The following MAST4 variants were observed in gnomAD, a reference collection of about 807,000 sequenced individuals.
MAST4 encodes microtubule associated serine/threonine kinase family member 4.
Under a neutral mutation model 162.7 loss-of-function variants are expected in MAST4, and 89 were observed. The ratio of observed to expected loss-of-function variants is 0.55; its 90% CI spans 0.46 to 0.65. MAST4 has a LOEUF of 0.65. Among genes scored for constraint, MAST4 ranks in the 30% least tolerant of loss-of-function variants. MAST4 has a pLI of 0.00. For missense variants in MAST4, 3,153 were observed against 3,374.0 expected, an observed-to-expected ratio of 0.93 and a Z score of 1.62; for synonymous variants, 1,479 against 1,361.1, an observed-to-expected ratio of 1.09 and a Z score of -1.91.
chr5:67,163,143 A>C lies in MAST4; in HGVS notation c.3968-4A>C, dbSNP rs137936992. 2.5e-6 allele frequency: 4 copies of C among 1,595,888 alleles called. No homozygotes were observed. The East Asian group carries it at 9.0e-5, about 36-fold the overall frequency. Reference sequence around the variant, plus strand: ...GCTCACAGCCTTCTGTTTTCCATCCACAGGTACTAATTCCTCCCAGAGCAG... The same window carrying C: ...GCTCACAGCCTTCTGTTTTCCATCCCCAGGTACTAATTCCTCCCAGAGCAG... On this transcript the variant is annotated splice_region_variant and splice_polypyrimidine_tract_variant and intron_variant, in intron 28 of 28. Coordinates refer to ENST00000403625, the MANE Select transcript of MAST4 (RefSeq NM_001164664.2). This position sits in a 1 kb window ranked among gnomAD's most constrained non-coding sequence, Gnocchi z 7.0.
intron 4 of MAST4, among the ~76,000 whole-genome samples, chr5:66,939,505 A>C (rs558305660): frequency 2.2e-4 from 33 of 152,134 alleles, no homozygotes; most frequent in African/African-American, 7.5e-4. Flanking sequence ...TTACCTTTTC[A>C]TTGTATTTTG....
chr5:66,908,425 T>C (rs1212408905), intron 4 of MAST4, among the ~76,000 whole-genome samples: 1 of 152,044 alleles, frequency 6.6e-6, no homozygotes, highest in Non-Finnish European at 1.5e-5. Flanking sequence ...GAATCTAGTG[T>C]GTATTGAGGG....
chr5:66,920,647 T>C (rs1561446842), intron 4 of MAST4, among the ~76,000 whole-genome samples: 1 of 152,106 alleles, frequency 6.6e-6, no homozygotes, highest in Non-Finnish European at 1.5e-5. Context: ...TGCGCCACCA[T>C]GCCTGACTAA....
At position 67,166,173 on chromosome 5, in the gene MAST4, A is replaced by C. The variant is rs758667468; in HGVS notation, c.6994A>C (p.Lys2332Gln). 1.3e-6 allele frequency: 2 copies of C among 1,557,078 alleles called. No homozygotes were observed. The highest frequency in any genetic ancestry group is 2.4e-5 in the East Asian group (1 of 41,266). ...TGGTGAAAAGCAAACCCTGTCTCCAAAGCACCCCAAACCATCCACTGTGAA... is the reference window on the plus strand; with the variant it reads ...TGGTGAAAAGCAAACCCTGTCTCCACAGCACCCCAAACCATCCACTGTGAA... ...AVGEKQTLSP[K>Q]HPKPSTVKDC... The change falls in exon 29 of 29, where the codon AAG (lysine) becomes CAG (glutamine). Residue 2332 changes from lysine (K) to glutamine (Q), a missense_variant. Lys to Gln is a moderately conservative substitution (Grantham distance 53). Transcript: ENST00000403625.
At chr5:66,922,559 T>TA (rs539760244) in intron 4 of MAST4, among the ~76,000 whole-genome samples, 129 of 152,272 alleles carry the variant, frequency 8.5e-4, no homozygotes, top group African/African-American at 3.0e-3. Flanking sequence ...TCATTTCTGC[T>TA]AAAAATGACA....
intron 1 of MAST4, among the ~76,000 whole-genome samples, chr5:66,687,585 T>G (rs1748757259): frequency 6.6e-6 from 1 of 151,672 alleles, no homozygotes; most frequent in Non-Finnish European, 1.5e-5. Context: ...TATATGTGTA[T>G]ATATATACAT....
intron 14 of MAST4, among the ~76,000 whole-genome samples, chr5:67,129,921 G>A (rs1481259812): frequency 6.6e-6 from 1 of 152,046 alleles, no homozygotes; most frequent in Non-Finnish European, 1.5e-5. Flanking sequence ...CTAGCTATTA[G>A]GAAATAGGTC....
At chr5:66,958,117 C>T (rs1405036699) in intron 4 of MAST4, among the ~76,000 whole-genome samples, 2 of 151,430 alleles carry the variant, frequency 1.3e-5, no homozygotes, top group Non-Finnish European at 3.0e-5. Flanking sequence ...CTCTCTCTCT[C>T]TCTTTGTGTG....
chr5:66,599,385 A>C (rs1742411076), intron 1 of MAST4, among the ~76,000 whole-genome samples: 2 of 152,150 alleles, frequency 1.3e-5, no homozygotes, highest in Non-Finnish European at 2.9e-5. Context: ...TAGTGGAAAG[A>C]CGTGGGTTTG....
intron 3 of MAST4, among the ~76,000 whole-genome samples, chr5:66,853,672 G>T (rs987421833): frequency 2.0e-5 from 3 of 152,134 alleles, no homozygotes; most frequent in Non-Finnish European, 2.9e-5. Context: ...CAGAATGTTT[G>T]GACATAAAGT....
chr5:67,168,284 A>T lies in MAST4; in HGVS notation c.*1233A>T, dbSNP rs1396274562. On this transcript the variant is annotated 3_prime_UTR_variant, in exon 29 of 29. Coordinates refer to ENST00000403625, the MANE Select transcript of MAST4 (RefSeq NM_001164664.2). Reference sequence around the variant, plus strand: ...TGGGTTTCACATTCATTTCTGCTGCATCTAGTAGCTCCACACATTTCATAA... The same window carrying T: ...TGGGTTTCACATTCATTTCTGCTGCTTCTAGTAGCTCCACACATTTCATAA... 6.6e-6 allele frequency: 1 copy of T among 151,724 alleles called. No homozygotes were observed. The highest frequency in any genetic ancestry group is 1.9e-4 in the East Asian group (1 of 5,186). The allele number at this position is 151,724 out of a possible 1,614,324, so 9.4% of individuals were successfully genotyped here.
chr5:67,072,614 A>C (rs1269648047), intron 5 of MAST4, among the ~76,000 whole-genome samples: 2 of 152,240 alleles, frequency 1.3e-5, no homozygotes, highest in South Asian at 2.1e-4. Context: ...AAGAATCTAG[A>C]AAATCCAAGA....
At chr5:66,902,355 T>C (rs979324674) in intron 4 of MAST4, among the ~76,000 whole-genome samples, 5 of 152,222 alleles carry the variant, frequency 3.3e-5, no homozygotes, top group Admixed American at 6.5e-5. Context: ...AATTGCATTT[T>C]CAGCATTCTG....
At chr5:67,122,282 T>C (rs1176292672) in intron 14 of MAST4, among the ~76,000 whole-genome samples, 1 of 152,224 alleles carries the variant, frequency 6.6e-6, no homozygotes, top group Non-Finnish European at 1.5e-5. Flanking sequence ...GTTTTTGTTG[T>C]GCCACAAGGG....
intron 1 of MAST4, among the ~76,000 whole-genome samples, chr5:66,620,385 A>C (rs182603822): frequency 2.6e-5 from 4 of 152,310 alleles, no homozygotes; most frequent in African/African-American, 9.6e-5. Context: ...AAATTTTTCA[A>C]CAAAGTTATG....
chr5:67,145,034 C>G (rs760716362), intron 22 of MAST4, 110 bp from the exon 23 acceptor site: 36 of 991,880 alleles, frequency 3.6e-5, no homozygotes, highest in Non-Finnish European at 5.4e-5. Context: ...CACTAGACAT[C>G]TCTTGGTTAG....
chr5:66,926,295 C>T (rs1221959518), intron 4 of MAST4, among the ~76,000 whole-genome samples: 5 of 152,094 alleles, frequency 3.3e-5, no homozygotes, highest in Admixed American at 6.6e-5. Context: ...TGCCTGTAAT[C>T]CCAGCACTTT....
At position 66,654,962 on chromosome 5, in the gene MAST4, T is replaced by G. The variant is rs118139595; in HGVS notation, c.363+57944T>G. Among the ~76,000 whole-genome samples the G allele has an allele frequency of 4.7e-4, 71 of 152,294 alleles. No individual in the cohort carries two copies. In the East Asian group the frequency reaches 0.013, roughly 28 times the overall value. ...AGGTTTTAATGAAAATCTAGGGACC[T>G]AGGTTCAATTATATTTGTTTCAATA... On this transcript the variant is annotated intron_variant, in intron 1 of 28. Coordinates refer to ENST00000403625, the MANE Select transcript of MAST4 (RefSeq NM_001164664.2).
rs554269747 is a variant in MAST4, at chr5:66,709,073, T to C, written c.364-50636T>C. Among the ~76,000 whole-genome samples, 406 of 152,250 alleles carry C rather than the reference T, an allele frequency of 2.7e-3. 4 individuals are homozygous for C. The highest frequency in any genetic ancestry group is 9.3e-3 in the African/African-American group (388 of 41,556). ...CTTTATTCCAAAGGCACCTGAAATA[T>C]TTTTTTGCAGGTGGCTGTATTATAG... On this transcript the variant is annotated intron_variant, in intron 1 of 28. Coordinates refer to ENST00000403625, the MANE Select transcript of MAST4 (RefSeq NM_001164664.2).
Sources: allele counts gnomAD v4.1 joint callset (sites outside exome capture counted in the v4.1 genomes callset), GRCh38; gene constraint gnomAD v4.1.1; non-coding constraint Gnocchi (gnomAD v3.1); transcripts MANE v1.5; gene names NCBI Gene and HGNC (gene_info 2026-07-23, HGNC 2026-07-21).